ZNF570: variants seen among roughly 807,000 people sequenced by gnomAD.
ZNF570 encodes zinc finger protein 570.
Under a neutral mutation model 14.2 loss-of-function variants are expected in ZNF570, and 8 were observed. The ratio of observed to expected loss-of-function variants is 0.56; its 90% CI spans 0.33 to 1.02. The LOEUF (loss-of-function observed/expected upper bound fraction) is 1.02. Ranked by LOEUF, ZNF570 falls within the 50% of genes least tolerant of loss-of-function variation. The probability of loss-of-function intolerance (pLI) is 0.03; values close to 1 mark genes in which losing one functional copy is unlikely to be tolerated. For missense variants in ZNF570, 559 were observed against 624.9 expected (o/e 0.89, Z 1.12); for synonymous variants, 202 against 207.6 (o/e 0.97, Z 0.23).
intron 1 of ZNF570, chr19:37,469,802 G>A (rs1390354550): frequency 3.5e-6 from 2 of 573,640 alleles, no homozygotes; most frequent in Non-Finnish European, 6.2e-6. Flanking sequence ...GTGCCCGTGT[G>A]AGGCAGTCCA....
In ZNF570 at chr19:37,485,051, A is replaced by T. The variant is rs753287874; in HGVS notation, c.1429A>T (p.Lys477Ter). The T allele has an allele frequency of 4.3e-6, 7 of 1,614,104 alleles. No homozygotes were observed. The highest frequency in any genetic ancestry group is 5.9e-6 in the Non-Finnish European group (7 of 1,180,018). The change falls in exon 5 of 5, where the codon AAG (lysine) becomes TAG (stop). Residue 477 changes from lysine (K) to a stop codon, truncating the protein, a stop_gained. Transcript: ENST00000330173. LOFTEE classifies it high-confidence loss of function. ...EKPYECTVCG[K>*]AFSYCGSLAQ... Reference sequence around the variant, plus strand: ...ACCTTATGAATGTACTGTTTGTGGAAAGGCTTTTAGTTACTGTGGATCCCT... The same window carrying T: ...ACCTTATGAATGTACTGTTTGTGGATAGGCTTTTAGTTACTGTGGATCCCT...
At position 37,484,975 on chromosome 19, in the gene ZNF570, T is replaced by A. The variant is rs1230359191; in HGVS notation, c.1353T>A (p.Phe451Leu). Residue 451 changes from phenylalanine (F) to leucine (L), a missense_variant, in exon 5 of 5, where the codon TTT becomes TTA. Transcript: ENST00000330173. ...AATGTATTGAATGTGGGAAGGCTTT[T>A]AGCAATGACTCGTCCCTTACTCAAC... ...PYECIECGKAFSNDSSLTQHQ... is the reference protein window; with the variant it reads ...PYECIECGKALSNDSSLTQHQ... The A allele has an allele frequency of 1.2e-6, 2 of 1,614,064 alleles. No individual in the cohort carries two copies. The highest frequency in any genetic ancestry group is 3.3e-5 in the Admixed American group (2 of 60,016).
chr19:37,469,041 G>A, upstream of ZNF570: 2 of 990,882 alleles, frequency 2.0e-6, no homozygotes, highest in African/African-American at 1.7e-5. Context: ...AGGGAGGCGC[G>A]CAGAGCGCTT....
Position 37,487,803 on chromosome 19 carries a change from A to T in ZNF570, c.*2570A>T, listed in dbSNP as rs1241054928. 2 of 152,306 alleles carry T rather than the reference A, an allele frequency of 1.3e-5. No individual in the cohort carries two copies. Among genetic ancestry groups the T allele is most frequent in the Middle Eastern group, 3.4e-3 (1 of 294 alleles). 9.4% of individuals were successfully genotyped at this position (152,306 alleles called of 1,614,324 possible). A position where few individuals can be genotyped will look rare whatever the true frequency, so the allele number is the denominator to read the frequency against. ...CTTAAGAGCAGCAAGAAAAATTTCGAATCTATTTGTAGAAACTGCATATGA... is the reference window on the plus strand; with the variant it reads ...CTTAAGAGCAGCAAGAAAAATTTCGTATCTATTTGTAGAAACTGCATATGA... On this transcript the variant is annotated 3_prime_UTR_variant, in exon 5 of 5. Coordinates refer to ENST00000330173, the MANE Select transcript of ZNF570 (RefSeq NM_144694.5).
upstream of ZNF570, among the ~76,000 whole-genome samples, chr19:37,468,352 G>T (rs1056808320): frequency 1.3e-5 from 2 of 152,210 alleles, no homozygotes; most frequent in Non-Finnish European, 2.9e-5. Context: ...GCCTCAAAAA[G>T]TGCTAGGATT....
Position 37,475,935 on chromosome 19 carries a change from T to A in ZNF570, c.88T>A (p.Cys30Ser). 6.2e-7 allele frequency: 1 copy of A among 1,614,056 alleles called. No homozygotes were observed. Among genetic ancestry groups the A allele is most frequent in the Non-Finnish European group, 8.5e-7 (1 of 1,179,968 alleles). ...AVDFSQEEWD[C>S]LDSSQRHLYS... Reference sequence around the variant, plus strand: ...AGACTTCTCCCAAGAGGAATGGGATTGTCTGGATTCTTCTCAAAGACATCT... The same window carrying A: ...AGACTTCTCCCAAGAGGAATGGGATAGTCTGGATTCTTCTCAAAGACATCT... The change falls in exon 3 of 5, where the codon TGT becomes AGT. Residue 30 changes from cysteine to serine, a missense_variant. Transcript: ENST00000330173.
At chr19:37,476,535 A>G (rs2042026289) in intron 4 of ZNF570, 101 bp downstream of exon 4, 2 of 1,395,310 alleles carry the variant, frequency 1.4e-6, no homozygotes, top group African/African-American at 2.9e-5. Flanking sequence ...TTCTTCTCAA[A>G]TGTTCTAGGT....
chr19:37,480,219 C>T (rs1195312746), intron 4 of ZNF570, among the ~76,000 whole-genome samples: 1 of 152,228 alleles, frequency 6.6e-6, no homozygotes. Flanking sequence ...GGCACGGTGG[C>T]TCACGCCTGT....
upstream of ZNF570, chr19:37,469,089 C>G (rs1429720741): frequency 9.7e-7 from 1 of 1,035,470 alleles, no homozygotes; most frequent in South Asian, 3.5e-5. Context: ...TGTAGTGTGA[C>G]GCTGGGCCCC....
intron 2 of ZNF570, among the ~76,000 whole-genome samples, chr19:37,473,854 A>G (rs1309698326): frequency 6.6e-6 from 1 of 152,236 alleles, no homozygotes; most frequent in Non-Finnish European, 1.5e-5. Flanking sequence ...ACTGGTGTCT[A>G]TCAGAAATTA....
intron 2 of ZNF570, among the ~76,000 whole-genome samples, chr19:37,471,844 C>T (rs2147002942): frequency 6.6e-6 from 1 of 152,122 alleles, no homozygotes; most frequent in South Asian, 2.1e-4. Context: ...CTTCCTGGCT[C>T]CATTGCTTAA....
chr19:37,467,895 G>T, upstream of ZNF570: 2 of 1,536,106 alleles, frequency 1.3e-6, no homozygotes, highest in African/African-American at 2.7e-5. Flanking sequence ...GAGACAATGT[G>T]CATGTATTTG....
At chr19:37,469,712 C>A in intron 1 of ZNF570, 155 bp downstream of exon 1, 1 of 781,042 alleles carries the variant, frequency 1.3e-6, no homozygotes, top group Non-Finnish European at 2.0e-6. Context: ...CCGATACCCG[C>A]GGCTTCTTTG....
upstream of ZNF570, chr19:37,469,203 G>A: frequency 6.3e-6 from 8 of 1,279,430 alleles, no homozygotes; most frequent in South Asian, 1.8e-5. Context: ...TGGGGAGGAG[G>A]CCGTGTTACA....
At chr19:37,468,672 A>AT (rs1016219066), upstream of ZNF570, among the ~76,000 whole-genome samples, 1 of 151,800 alleles carries the variant, frequency 6.6e-6, no homozygotes, top group Admixed American at 6.6e-5. Context: ...CGCCCGGCTA[A>AT]TTTTTTTGTA....
At chr19:37,480,399 G>A (rs185219123) in intron 4 of ZNF570, among the ~76,000 whole-genome samples, 40 of 152,164 alleles carry the variant, frequency 2.6e-4, no homozygotes, top group Middle Eastern at 6.8e-3. Context: ...CAGGAGAATC[G>A]CTTGAACCCA....
Position 37,476,326 on chromosome 19 carries a change from T to G in ZNF570, c.161-13T>G. The G allele has an allele frequency of 6.2e-7, 1 of 1,612,346 alleles. No individual in the cohort carries two copies. The highest frequency in any genetic ancestry group is 8.5e-7 in the Non-Finnish European group (1 of 1,179,450). On this transcript the variant is annotated splice_polypyrimidine_tract_variant and intron_variant, in intron 3 of 4. Transcript: ENST00000330173. ...GCATGACAAAACTCTACTTTTTTTTTTCGTATTTGCAGGACTTTGCTTTTC... is the reference window on the plus strand; with the variant it reads ...GCATGACAAAACTCTACTTTTTTTTGTCGTATTTGCAGGACTTTGCTTTTC...
At chr19:37,471,364 C>A (rs1431372549) in intron 2 of ZNF570, among the ~76,000 whole-genome samples, 3 of 152,140 alleles carry the variant, frequency 2.0e-5, no homozygotes, top group Non-Finnish European at 2.9e-5. Flanking sequence ...ATTCTCTCTG[C>A]CTGGGATACT....
chr19:37,472,567 C>T (rs1295803051), intron 2 of ZNF570, among the ~76,000 whole-genome samples: 3 of 151,680 alleles, frequency 2.0e-5, no homozygotes, highest in African/African-American at 7.3e-5. Context: ...ATGCAGAAAC[C>T]CCGTCTCTAC....
Sources: gnomAD v4.1 joint callset for allele counts (sites outside exome capture counted in the v4.1 genomes callset) on GRCh38, gnomAD v4.1.1 for gene constraint, MANE v1.5 for transcripts, NCBI Gene and HGNC (gene_info 2026-07-23, HGNC 2026-07-21) for gene names.